NPAS2: variants seen among roughly 807,000 people sequenced by gnomAD.
NPAS2 encodes the protein neuronal PAS domain-containing protein 2.
A neutral mutation model predicts 107.5 loss-of-function variants in NPAS2; 23 were observed. The observed-to-expected ratio is 0.21, with a 90% CI of 0.15 to 0.30. NPAS2 has a LOEUF of 0.30. NPAS2 is among the 10% of genes least tolerant of loss of function. The pLI is 1.00. For synonymous variants in NPAS2, 403 were observed against 417.5 expected (o/e 0.97, Z 0.42); for missense variants, 756 against 1,043.3 (o/e 0.72, Z 3.79).
intron 1 of NPAS2, among the ~76,000 whole-genome samples, chr2:100,882,199 A>G (rs1283325537): frequency 1.3e-5 from 2 of 152,204 alleles, no homozygotes; most frequent in South Asian, 2.1e-4. Context: ...TAACGTCACT[A>G]TAGCACAATA....
At chr2:100,819,947 G>A (rs888666575), upstream of NPAS2, among the ~76,000 whole-genome samples, 7 of 151,930 alleles carry the variant, frequency 4.6e-5, no homozygotes, top group African/African-American at 1.7e-4. This position sits in a 1 kb window ranked among gnomAD's most constrained non-coding sequence, Gnocchi z 5.8. Context: ...GGGGCCGGGG[G>A]TCCGTCTGCC....
chr2:100,852,172 G>A (rs576612457), intron 1 of NPAS2, among the ~76,000 whole-genome samples: 54 of 152,146 alleles, frequency 3.5e-4, no homozygotes, highest in Admixed American at 1.8e-3. Flanking sequence ...CAAGGCGGGC[G>A]GATCACGAGG....
At chr2:100,955,918 T>TG (rs1418316830) in intron 7 of NPAS2, among the ~76,000 whole-genome samples, 64 of 151,862 alleles carry the variant, frequency 4.2e-4, no homozygotes, top group African/African-American at 1.6e-3. Flanking sequence ...TTTGTTTGTT[T>TG]TTTTGAGACA....
intron 3 of NPAS2, among the ~76,000 whole-genome samples, chr2:100,931,010 A>C (rs979434655): frequency 6.6e-6 from 1 of 152,226 alleles, no homozygotes; most frequent in Non-Finnish European, 1.5e-5. Context: ...AAGTGGTCGA[A>C]CTGTGGCAAC....
intron 7 of NPAS2, 44 bp downstream of exon 7, chr2:100,949,524 TGCAAACGTGCACATGGGG>T (rs775941004): frequency 1.4e-4 from 157 of 1,131,908 alleles, no homozygotes; most frequent in Non-Finnish European, 5.4e-5. Context: ...TCTTTTCTCA[TGCAAACGTGCACATGGGG>T]GCATTAAGAA....
At chr2:100,859,561 A>T (rs559876056) in intron 1 of NPAS2, among the ~76,000 whole-genome samples, 5 of 152,140 alleles carry the variant, frequency 3.3e-5, no homozygotes. Flanking sequence ...TTGAACTTAG[A>T]CCTGAATGGT....
intron 16 of NPAS2, chr2:100,985,704 C>T (rs1231399685): frequency 2.6e-5 from 4 of 152,000 alleles, no homozygotes; most frequent in Non-Finnish European, 5.9e-5. Context: ...TGTCTCAGGT[C>T]ATTTATATGC....
At chr2:100,933,060 G>T in intron 4 of NPAS2, 59 bp downstream of exon 4, 1 of 1,276,618 alleles carries the variant, frequency 7.8e-7, no homozygotes, top group Non-Finnish European at 1.1e-6. Flanking sequence ...GCTACTTGTT[G>T]CAGATAAGTC....
intron 1 of NPAS2, among the ~76,000 whole-genome samples, chr2:100,863,282 TG>T (rs1338768144): frequency 1.3e-5 from 2 of 152,194 alleles, no homozygotes; most frequent in African/African-American, 4.8e-5. Flanking sequence ...AAGAGGGCCA[TG>T]GCTGCTAGAC....
At chr2:100,980,555 T>G (rs1161353181) in intron 15 of NPAS2, among the ~76,000 whole-genome samples, 2 of 152,072 alleles carry the variant, frequency 1.3e-5, no homozygotes, top group African/African-American at 2.4e-5. Flanking sequence ...CTGCAACCTC[T>G]GCCTCCCGGA....
At chr2:100,993,693 A>T in intron 20 of NPAS2, 166 bp downstream of exon 20, 1 of 568,216 alleles carries the variant, frequency 1.8e-6, no homozygotes, top group South Asian at 2.8e-5. Flanking sequence ...TCATGCTTAA[A>T]GTTTATGAAG....
At chr2:100,920,008 C>T (rs1027392031) in intron 2 of NPAS2, among the ~76,000 whole-genome samples, 5 of 152,172 alleles carry the variant, frequency 3.3e-5, no homozygotes, top group African/African-American at 9.7e-5. Context: ...TCTTCATTGC[C>T]GCCTCCTCCA....
rs1389269073 is a variant in NPAS2 at position 100,901,545 on chromosome 2, C to T, written c.-22-3188C>T. 14 of 985,156 alleles carry T rather than the reference C, an allele frequency of 1.4e-5. No homozygotes were observed. The Admixed American group carries it at 1.8e-4, about 13-fold the overall frequency. The allele number at this position is 985,156 out of a possible 1,614,324, so 61.0% of individuals were successfully genotyped here. ...GTTCCCTTCTCTCTTCCCTGACGCT[C>T]CCCTGTGCAGAGGATCCTGCAGACA... On this transcript the variant is annotated intron_variant, in intron 1 of 20. Coordinates refer to ENST00000335681, the MANE Select transcript of NPAS2 (RefSeq NM_002518.4).
At chr2:100,840,566 G>A (rs996613889) in intron 1 of NPAS2, among the ~76,000 whole-genome samples, 5 of 151,652 alleles carry the variant, frequency 3.3e-5, no homozygotes, top group African/African-American at 1.2e-4. Context: ...TCTGGTAGCC[G>A]CTTTATACCC....
intron 1 of NPAS2, among the ~76,000 whole-genome samples, chr2:100,853,996 A>G (rs1277022861): frequency 6.6e-6 from 1 of 151,406 alleles, no homozygotes; most frequent in Non-Finnish European, 1.5e-5. Context: ...AAAAAACACA[A>G]AAAATTAGCA....
chr2:100,882,494 C>A (rs1680425696), intron 1 of NPAS2, among the ~76,000 whole-genome samples: 1 of 152,164 alleles, frequency 6.6e-6, no homozygotes, highest in Non-Finnish European at 1.5e-5. Context: ...TGCCTGTAGT[C>A]CCAGCTACTC....
At chr2:100,940,987 A>C (rs1674540606) in intron 5 of NPAS2, among the ~76,000 whole-genome samples, 1 of 152,212 alleles carries the variant, frequency 6.6e-6, no homozygotes, top group South Asian at 2.1e-4. Context: ...TGTCAGGCCA[A>C]GCACAGGCTG....
chr2:100,857,532 A>T (rs1423261615), intron 1 of NPAS2, among the ~76,000 whole-genome samples: 2 of 152,116 alleles, frequency 1.3e-5, no homozygotes, highest in Non-Finnish European at 2.9e-5. Context: ...CATATTTAGG[A>T]ACAGGCCAGA....
intron 4 of NPAS2, chr2:100,935,083 G>A (rs1344625084): frequency 4.1e-6 from 4 of 982,396 alleles, no homozygotes. Context: ...AAACAAAATT[G>A]ACCTGGCTGA....
Sources: allele counts gnomAD v4.1 joint callset (sites outside exome capture counted in the v4.1 genomes callset), GRCh38; gene constraint gnomAD v4.1.1; non-coding constraint Gnocchi (gnomAD v3.1); transcripts MANE v1.5; gene names NCBI Gene and HGNC (gene_info 2026-07-23, HGNC 2026-07-21).